Variants in IGFL2 observed in about 807,000 individuals in gnomAD.
IGFL2 encodes insulin growth factor-like family member 2.
In IGFL2, 7 loss-of-function variants were observed where a neutral mutation model predicts 13.9. The ratio of observed to expected loss-of-function variants is 0.51; its 90% CI spans 0.29 to 0.95. The LOEUF (loss-of-function observed/expected upper bound fraction) is 0.95. Ranked by LOEUF, IGFL2 falls within the 40% of genes least tolerant of loss-of-function variation. The pLI, the probability that IGFL2 is intolerant of heterozygous loss-of-function variation, is 0.08. For missense variants in IGFL2, 138 were observed against 147.8 expected (o/e 0.93, Z 0.34); for synonymous variants, 55 against 55.8 (o/e 0.99, Z 0.07).
At chr19:46,100,519 G>A in the IGFL2 span, among the ~76,000 whole-genome samples, 1 of 152,264 alleles carries the variant, frequency 6.6e-6, no homozygotes, top group East Asian at 1.9e-4. Flanking sequence ...TGGGGAATCA[G>A]CATTTTACAT....
At chr19:46,084,209 C>T in the IGFL2 span, among the ~76,000 whole-genome samples, 2 of 152,210 alleles carry the variant, frequency 1.3e-5, no homozygotes, top group Non-Finnish European at 2.9e-5. Flanking sequence ...TTGTGGCATA[C>T]ATATGATATA....
At chr19:46,140,796 G>C (rs1234971638), upstream of IGFL2, among the ~76,000 whole-genome samples, 1 of 152,184 alleles carries the variant, frequency 6.6e-6, no homozygotes, top group Non-Finnish European at 1.5e-5. Context: ...TGGAGGCTCA[G>C]GGTGGAGCAG....
the IGFL2 span, among the ~76,000 whole-genome samples, chr19:46,079,352 C>T: frequency 1.3e-5 from 2 of 151,874 alleles, no homozygotes; most frequent in African/African-American, 2.4e-5. Flanking sequence ...CCGCTCCCCT[C>T]GTGGGCGTCA....
chr19:46,092,585 T>C, the IGFL2 span, among the ~76,000 whole-genome samples: 1 of 151,970 alleles, frequency 6.6e-6, no homozygotes, highest in African/African-American at 2.4e-5. Context: ...TGAGCTGAGA[T>C]TGCACCACTG....
chr19:46,113,027 C>A, the IGFL2 span: 1 of 152,222 alleles, frequency 6.6e-6, no homozygotes, highest in African/African-American at 2.4e-5. Flanking sequence ...GAGAGAATTT[C>A]TATTTGGGTG....
chr19:46,196,586 G>A, the IGFL2 span, among the ~76,000 whole-genome samples: 1 of 152,178 alleles, frequency 6.6e-6, no homozygotes, highest in Non-Finnish European at 1.5e-5. Context: ...CCCCAGCTGA[G>A]CCTCCAGCTC....
intron 1 of IGFL2, among the ~76,000 whole-genome samples, chr19:46,153,696 T>G (rs1409275630): frequency 6.6e-6 from 1 of 151,802 alleles, no homozygotes; most frequent in African/African-American, 2.4e-5. Flanking sequence ...TTATTAGTGC[T>G]CTCCAGAGGG....
chr19:46,182,737 A>C, the IGFL2 span, among the ~76,000 whole-genome samples: 11 of 151,994 alleles, frequency 7.2e-5, no homozygotes, highest in African/African-American at 2.4e-4. Flanking sequence ...TTTGCTGATG[A>C]CTGTACTGCC....
chr19:46,179,236 CTG>C, the IGFL2 span, among the ~76,000 whole-genome samples: 2 of 136,112 alleles, frequency 1.5e-5, no homozygotes, highest in Non-Finnish European at 3.1e-5. Context: ...GGTGGGGAGT[CTG>C]TGAGAGGCAG....
At chr19:46,118,789 A>G in the IGFL2 span, among the ~76,000 whole-genome samples, 1 of 152,156 alleles carries the variant, frequency 6.6e-6, no homozygotes, top group African/African-American at 2.4e-5. Flanking sequence ...ACGTGAGCAG[A>G]CTGCATTCCC....
chr19:46,153,620 C>T (rs144547377), intron 1 of IGFL2, among the ~76,000 whole-genome samples: 2 of 151,990 alleles, frequency 1.3e-5, no homozygotes, highest in Non-Finnish European at 2.9e-5. Context: ...AAGAAATAAG[C>T]AATTATACTG....
At chr19:46,126,966 T>A in the IGFL2 span, among the ~76,000 whole-genome samples, 1 of 152,316 alleles carries the variant, frequency 6.6e-6, no homozygotes, top group African/African-American at 2.4e-5. Flanking sequence ...AGGAGAGTCA[T>A]TCCAATTTGA....
chr19:46,181,601 C>T, the IGFL2 span, among the ~76,000 whole-genome samples: 1 of 152,214 alleles, frequency 6.6e-6, no homozygotes. Context: ...GGTCCTGACA[C>T]TCCCTCCCAG....
At chr19:46,158,445 G>A (rs945484360) in intron 1 of IGFL2, among the ~76,000 whole-genome samples, 2 of 151,164 alleles carry the variant, frequency 1.3e-5, no homozygotes, top group African/African-American at 4.9e-5. Context: ...TCCTGACCTC[G>A]TGATCCACCC....
At chr19:46,149,173 CTCTT>C (rs990410364) in intron 1 of IGFL2, 34 of 650,016 alleles carry the variant, frequency 5.2e-5, no homozygotes, top group Non-Finnish European at 9.0e-5. Context: ...CTCTCTCTCT[CTCTT>C]CTCTCTCTCT....
At chr19:46,123,983 C>T in the IGFL2 span, 11 of 1,611,468 alleles carry the variant, frequency 6.8e-6, no homozygotes, top group African/African-American at 4.1e-5. Context: ...CCAAAAGACT[C>T]GGGACAGCAG....
the IGFL2 span, among the ~76,000 whole-genome samples, chr19:46,080,579 G>T: frequency 3.9e-5 from 6 of 152,164 alleles, no homozygotes; most frequent in East Asian, 1.9e-4. Flanking sequence ...TGTAAATCAT[G>T]AGTTAAAGAA....
the IGFL2 span, among the ~76,000 whole-genome samples, chr19:46,095,895 T>A: frequency 2.0e-5 from 3 of 152,208 alleles, no homozygotes; most frequent in Non-Finnish European, 4.4e-5. Context: ...TCTGTGTGTC[T>A]GTTTTGGTAC....
chr19:46,079,159 G>C, the IGFL2 span, among the ~76,000 whole-genome samples: 2 of 152,278 alleles, frequency 1.3e-5, no homozygotes, highest in Admixed American at 6.5e-5. Flanking sequence ...CGATGGGTGA[G>C]GCGGCTTTGG....
Sources: allele counts gnomAD v4.1 joint callset (sites outside exome capture counted in the v4.1 genomes callset), GRCh38; gene constraint gnomAD v4.1.1; transcripts MANE v1.5; gene names NCBI Gene and HGNC (gene_info 2026-07-23, HGNC 2026-07-21).